EYA2: variants seen among roughly 807,000 people sequenced by gnomAD.
The protein encoded by EYA2 is EYA transcriptional coactivator and phosphatase 2.
A neutral mutation model predicts 69.2 loss-of-function variants in EYA2; 31 were observed. That is an observed-to-expected ratio of 0.45 (90% confidence interval 0.34 to 0.60). The LOEUF (loss-of-function observed/expected upper bound fraction) is 0.60. Among genes scored for constraint, EYA2 ranks in the 20% least tolerant of loss-of-function variants. The pLI is 0.02. For missense variants in EYA2, 622 were observed against 701.2 expected (o/e 0.89, Z 1.28); for synonymous variants, 257 against 279.4 (o/e 0.92, Z 0.80).
intron 1 of EYA2, among the ~76,000 whole-genome samples, chr20:46,927,909 A>G (rs987494504): frequency 6.6e-6 from 1 of 152,218 alleles, no homozygotes; most frequent in Admixed American, 6.5e-5. Context: ...AATGCAGTGA[A>G]GTGCACATAG....
At chr20:46,965,657 G>C (rs1979731844) in intron 1 of EYA2, among the ~76,000 whole-genome samples, 1 of 152,236 alleles carries the variant, frequency 6.6e-6, no homozygotes, top group African/African-American at 2.4e-5. Context: ...CCACCTGGTT[G>C]GTTCAGGCCC....
chr20:46,940,000 A>G (rs905647267), intron 1 of EYA2, among the ~76,000 whole-genome samples: 1 of 152,242 alleles, frequency 6.6e-6, no homozygotes. Flanking sequence ...AATAAAATGT[A>G]GCCATTCATA....
chr20:47,136,059 GA>G (rs372300810), intron 9 of EYA2, among the ~76,000 whole-genome samples: 1 of 151,624 alleles, frequency 6.6e-6, no homozygotes, highest in South Asian at 2.1e-4. Flanking sequence ...GAAAATCCAG[GA>G]AAAAAAGTCT....
intron 10 of EYA2, chr20:47,161,575 G>T: frequency 3.0e-6 from 1 of 334,478 alleles, no homozygotes; most frequent in South Asian, 2.5e-5. Flanking sequence ...TTGCCTCTGT[G>T]AGCTCCTCGG....
intron 5 of EYA2, among the ~76,000 whole-genome samples, chr20:47,033,868 G>A (rs986255242): frequency 2.0e-5 from 3 of 152,160 alleles, no homozygotes; most frequent in African/African-American, 7.2e-5. Context: ...GGGATATTGG[G>A]GATGTTTGTT....
intron 10 of EYA2, among the ~76,000 whole-genome samples, chr20:47,144,508 A>G (rs563473985): frequency 6.6e-6 from 1 of 152,368 alleles, no homozygotes; most frequent in Admixed American, 6.5e-5. Flanking sequence ...TATGGATTTC[A>G]AATCCATCCT....
At chr20:47,160,067 G>A (rs2034033282) in intron 10 of EYA2, among the ~76,000 whole-genome samples, 1 of 152,166 alleles carries the variant, frequency 6.6e-6, no homozygotes, top group South Asian at 2.1e-4. Context: ...TTATTTGGAG[G>A]GAGGTGATAT....
chr20:46,997,231 C>T (rs897564032), intron 2 of EYA2, among the ~76,000 whole-genome samples: 1 of 152,130 alleles, frequency 6.6e-6, no homozygotes, highest in South Asian at 2.1e-4. Context: ...ATAAAACTTA[C>T]TCACTATCAT....
chr20:46,972,265 G>A (rs1980189545), intron 1 of EYA2, among the ~76,000 whole-genome samples: 1 of 152,238 alleles, frequency 6.6e-6, no homozygotes. Context: ...AGAACTTCCA[G>A]AAGGTGCGAT....
In EYA2 at chr20:46,969,155, C is replaced by T. The variant is rs777748769; in HGVS notation, c.-10-20846C>T. On this transcript the variant is annotated intron_variant, in intron 1 of 15. Coordinates refer to ENST00000327619, the MANE Select transcript of EYA2 (RefSeq NM_005244.5). ...TGTTAGCTCTGGGAGTCAGAGGCTC[C>T]ATCTGTCTTCCTCCGCTACTGGATT... Among the ~76,000 whole-genome samples the T allele has an allele frequency of 4.6e-5, 7 of 152,240 alleles. No homozygotes were observed. In the South Asian group the frequency reaches 1.0e-3, roughly 23 times the overall value.
rs2146252764 is a variant in EYA2, at chr20:46,932,471, G to A, written c.-11+37484G>A. Among the ~76,000 whole-genome samples the A allele has an allele frequency of 1.3e-5, 2 of 152,322 alleles. 1 individual carries two copies. The highest frequency in any genetic ancestry group is 1.3e-4 in the Admixed American group (2 of 15,298). ...CCCCACCCAAATCTCATCTTGAATT[G>A]TAATTCCCATGTGCCAAGGGAGGGA... On this transcript the variant is annotated intron_variant, in intron 1 of 15. Coordinates refer to ENST00000327619, the MANE Select transcript of EYA2 (RefSeq NM_005244.5).
chr20:46,895,637 C>T lies in EYA2; in HGVS notation c.-11+650C>T, dbSNP rs543531161. Among the ~76,000 whole-genome samples, 214 of 152,268 alleles carry T rather than the reference C, an allele frequency of 1.4e-3. 1 individual carries two copies. Among genetic ancestry groups the T allele is most frequent in the African/African-American group, 4.6e-3 (192 of 41,558 alleles). On this transcript the variant is annotated intron_variant, in intron 1 of 15. Transcript: ENST00000327619. The stretch of plus-strand genomic sequence containing the variant: ...TTACATCCGAAGGGTGTTTAGAAGG[C>T]GGCAAGGATTTCGTTGTAATGGGAG...
chr20:47,102,434 G>A (rs990785121), intron 9 of EYA2, among the ~76,000 whole-genome samples: 3 of 152,186 alleles, frequency 2.0e-5, no homozygotes, highest in East Asian at 1.9e-4. Flanking sequence ...CCAGTGAATG[G>A]GCACTGGATG....
chr20:47,112,862 CTT>C (rs11473217), intron 9 of EYA2, among the ~76,000 whole-genome samples: 5,244 of 54,780 alleles, frequency 0.096, 62 homozygotes, highest in Middle Eastern at 0.16. Context: ...ATGTTCACTC[CTT>C]TTTTTTTTTT....
intron 14 of EYA2, 27 bp downstream of exon 14, chr20:47,180,963 G>T (rs1243984336): frequency 1.2e-6 from 2 of 1,610,406 alleles, no homozygotes; most frequent in Non-Finnish European, 1.7e-6. Flanking sequence ...CCTCGGCGGG[G>T]ATACAGGGTT....
At chr20:47,129,547 C>G (rs1279422194) in intron 9 of EYA2, among the ~76,000 whole-genome samples, 1 of 152,174 alleles carries the variant, frequency 6.6e-6, no homozygotes, top group Non-Finnish European at 1.5e-5. Flanking sequence ...CATGAGGCCA[C>G]TAGAAGACGG....
intron 4 of EYA2, among the ~76,000 whole-genome samples, chr20:47,006,829 C>T (rs1000995938): frequency 6.6e-6 from 1 of 152,152 alleles, no homozygotes; most frequent in South Asian, 2.1e-4. Context: ...TTTAGTTTGC[C>T]ACAGTCCTCA....
chr20:47,096,371 A>G (rs941357474), intron 8 of EYA2, among the ~76,000 whole-genome samples: 1 of 152,252 alleles, frequency 6.6e-6, no homozygotes, highest in East Asian at 1.9e-4. Flanking sequence ...AAACCAATGT[A>G]CAAACAAGTT....
At chr20:47,115,650 A>G (rs992172373) in intron 9 of EYA2, among the ~76,000 whole-genome samples, 2 of 151,566 alleles carry the variant, frequency 1.3e-5, no homozygotes, top group Admixed American at 1.3e-4. Context: ...CGCCCTCTCC[A>G]CGGGTCTGGA....
Sources: allele counts gnomAD v4.1 joint callset (sites outside exome capture counted in the v4.1 genomes callset), GRCh38; gene constraint gnomAD v4.1.1; transcripts MANE v1.5; gene names NCBI Gene and HGNC (gene_info 2026-07-23, HGNC 2026-07-21).